Variants in PLBD2 observed in about 807,000 individuals in gnomAD.
The protein encoded by PLBD2 is phospholipase B domain containing 2, also known as putative aminopeptidase PLBD2.
PLBD2 carries 51 observed loss-of-function variants against 68.3 expected under a neutral mutation model. The ratio of observed to expected loss-of-function variants is 0.75; its 90% CI spans 0.60 to 0.94. The LOEUF (loss-of-function observed/expected upper bound fraction) is 0.94, where lower values mean the gene tolerates loss of function less well. Among genes scored for constraint, PLBD2 ranks in the 40% least tolerant of loss-of-function variants. The pLI is 0.00. For missense variants in PLBD2, 729 were observed against 792.2 expected (o/e 0.92, Z 0.96); for synonymous variants, 314 against 339.3 (o/e 0.93, Z 0.82).
chr12:113,387,962 C>A, intron 11 of PLBD2, 56 bp downstream of exon 11: 1 of 1,592,720 alleles, frequency 6.3e-7, no homozygotes. Flanking sequence ...CCATCACCAG[C>A]TTTGGGGAAG....
Position 113,363,611 on chromosome 12 carries a change from C to T in PLBD2, c.290+4721C>T, listed in dbSNP as rs370603237. ...TGGAGTCAGTGGCGCGATTTCGGGT[C>T]GCTGCAAGCTCCGCCTCCCGGGTTC... On this transcript the variant is annotated intron_variant, in intron 1 of 11. Transcript: ENST00000280800. 4.8e-5 allele frequency among the ~76,000 whole-genome samples: 7 copies of T among 145,484 alleles called. No homozygotes were observed. The South Asian group carries it at 1.5e-3, about 31-fold the overall frequency.
chr12:113,388,792 C>CA lies in PLBD2; in HGVS notation c.*167dup, dbSNP rs753611194. Reference sequence around the variant, plus strand: ...AGTGGGTCACGAACCTGATGGGGCTCAGAACTGACCCCCTCTCTCCCCCGA... The same window carrying CA: ...AGTGGGTCACGAACCTGATGGGGCTCAAGAACTGACCCCCTCTCTCCCCCGA... On this transcript the variant is annotated 3_prime_UTR_variant, in exon 12 of 12. Coordinates refer to ENST00000280800, the MANE Select transcript of PLBD2 (RefSeq NM_173542.4). The CA allele has an allele frequency of 6.4e-5, 43 of 668,060 alleles. No homozygotes were observed. Among genetic ancestry groups the CA allele is most frequent in the Non-Finnish European group, 9.7e-5 (42 of 431,700 alleles). 41.4% of individuals were successfully genotyped at this position (668,060 alleles called of 1,614,324 possible).
In PLBD2 at chr12:113,385,246, C is replaced by T; in HGVS notation, c.1249C>T (p.Leu417Phe). The change falls in exon 9 of 12, where the codon CTC becomes TTC. Residue 417 changes from leucine (L) to phenylalanine (F), a missense_variant. Physicochemically the swap from Leu to Phe is conservative, Grantham distance 22. Coordinates refer to ENST00000280800, the MANE Select transcript of PLBD2 (RefSeq NM_173542.4). ...GGTGGTGGCTGACAAGACCTCGGAG[C>T]TCTACCAGAAGACCTACTGGGCCAG... Reference protein sequence around the residue: ...MVVVADKTSELYQKTYWASYN... With the variant: ...MVVVADKTSEFYQKTYWASYN... The T allele has an allele frequency of 6.2e-7, 1 of 1,614,178 alleles. No homozygotes were observed. The highest frequency in any genetic ancestry group is 8.5e-7 in the Non-Finnish European group (1 of 1,180,014).
At chr12:113,362,212 G>A (rs1957302193) in intron 1 of PLBD2, among the ~76,000 whole-genome samples, 1 of 152,102 alleles carries the variant, frequency 6.6e-6, no homozygotes, top group African/African-American at 2.4e-5. Flanking sequence ...AGCTGGGTGT[G>A]GTTGCGCATG....
At chr12:113,380,238 G>T (rs183063876) in intron 5 of PLBD2, among the ~76,000 whole-genome samples, 20 of 152,094 alleles carry the variant, frequency 1.3e-4, no homozygotes, top group African/African-American at 4.6e-4. Flanking sequence ...CCGGGTTCAC[G>T]CCATTCTCCT....
intron 1 of PLBD2, among the ~76,000 whole-genome samples, chr12:113,362,191 A>G (rs946627030): frequency 1.3e-5 from 2 of 152,100 alleles, no homozygotes; most frequent in African/African-American, 4.8e-5. Context: ...GCAAAAAAAA[A>G]GTAAAAAATT....
chr12:113,361,238 C>A (rs1326715782), intron 1 of PLBD2, among the ~76,000 whole-genome samples: 1 of 151,614 alleles, frequency 6.6e-6, no homozygotes, highest in South Asian at 2.1e-4. Flanking sequence ...CTGGTGAAAT[C>A]CCCAGATTTT....
At chr12:113,388,420 C>A in intron 11 of PLBD2, 39 bp from the exon 12 acceptor site, 1 of 1,504,388 alleles carries the variant, frequency 6.6e-7, no homozygotes, top group Non-Finnish European at 8.8e-7. Flanking sequence ...TGGGGCAGGC[C>A]AGGACCCCTG....
At chr12:113,385,080 G>A (rs1957537291) in intron 8 of PLBD2, 132 bp from the exon 9 acceptor site, 2 of 1,300,476 alleles carry the variant, frequency 1.5e-6, no homozygotes, top group Non-Finnish European at 2.2e-6. Flanking sequence ...AGGTGTCCCT[G>A]GTGGGGGCTG....
chr12:113,384,842 G>T lies in PLBD2; in HGVS notation c.1119-9G>T, dbSNP rs1266982840. The T allele has an allele frequency of 6.2e-7, 1 of 1,613,274 alleles. No individual in the cohort carries two copies. The highest frequency in any genetic ancestry group is 8.5e-7 in the Non-Finnish European group (1 of 1,179,532). The stretch of plus-strand genomic sequence containing the variant: ...GCTCTGTTCAGTCCTCCCTTCCCCT[G>T]CCCGGCAGGTATAACAACCAGTGGA... On this transcript the variant is annotated splice_polypyrimidine_tract_variant and intron_variant, in intron 7 of 11. Transcript: ENST00000280800. This position sits in a 1 kb window ranked among gnomAD's most constrained non-coding sequence, Gnocchi z 4.2.
At chr12:113,375,553 A>G (rs190393196) in intron 5 of PLBD2, among the ~76,000 whole-genome samples, 6 of 152,234 alleles carry the variant, frequency 3.9e-5, no homozygotes, top group Admixed American at 2.6e-4. Context: ...AATAACCGCT[A>G]TTTATTTTTT....
intron 1 of PLBD2, among the ~76,000 whole-genome samples, chr12:113,362,629 T>C (rs1285286546): frequency 2.0e-5 from 3 of 151,696 alleles, no homozygotes; most frequent in African/African-American, 4.8e-5. Flanking sequence ...ACAGACCTAC[T>C]GCTGCCAACT....
intron 9 of PLBD2, 119 bp downstream of exon 9, chr12:113,385,402 C>A (rs1957541857): frequency 2.1e-6 from 2 of 951,578 alleles, no homozygotes; most frequent in Admixed American, 4.5e-5. Flanking sequence ...AGCCTACCCC[C>A]TTTTCTGGCC....
intron 3 of PLBD2, among the ~76,000 whole-genome samples, chr12:113,373,235 T>C (rs1217024147): frequency 1.3e-5 from 2 of 152,246 alleles, no homozygotes; most frequent in Non-Finnish European, 2.9e-5. Context: ...TTTCCTTGAG[T>C]GAGCTGCTGA....
chr12:113,370,898 G>A (rs143981524), intron 2 of PLBD2, among the ~76,000 whole-genome samples: 1 of 152,238 alleles, frequency 6.6e-6, no homozygotes, highest in Non-Finnish European at 1.5e-5. Flanking sequence ...TCCATTGATG[G>A]CCTAACCAGT....
At chr12:113,365,726 G>A (rs1054594919) in intron 1 of PLBD2, among the ~76,000 whole-genome samples, 10 of 152,122 alleles carry the variant, frequency 6.6e-5, no homozygotes, top group African/African-American at 1.7e-4. Context: ...GCCCCACCCT[G>A]CTGGCCCCAA....
chr12:113,374,950 C>G lies in PLBD2; in HGVS notation c.802C>G (p.Gln268Glu), dbSNP rs1326081792. 2 of 1,614,032 alleles carry G rather than the reference C, an allele frequency of 1.2e-6. No individual in the cohort carries two copies. Among genetic ancestry groups the G allele is most frequent in the Non-Finnish European group, 1.7e-6 (2 of 1,180,040 alleles). The change falls in exon 5 of 12, where the codon CAG (glutamine) becomes GAG (glutamate). Residue 268 changes from glutamine (Q) to glutamate (E), a missense_variant. Transcript: ENST00000280800. ...TGCCCACAACACCTGGAACAACTAC[C>G]AGCACATGCTGCGTGTCATCAAGAA... ...LVAHNTWNNY[Q>E]HMLRVIKKYW...
At position 113,390,128 on chromosome 12, in the gene PLBD2, A is replaced by T. The variant is rs1957595565; in HGVS notation, c.*1502A>T. ...TTTTTTGTATTGGTCTGTATACCACAGCATGGCTTACGAAGTTCTTATCTA... is the reference window on the plus strand; with the variant it reads ...TTTTTTGTATTGGTCTGTATACCACTGCATGGCTTACGAAGTTCTTATCTA... On this transcript the variant is annotated 3_prime_UTR_variant, in exon 12 of 12. Transcript: ENST00000280800. 1 of 151,936 alleles carries T rather than the reference A, an allele frequency of 6.6e-6. No homozygotes were observed. Among genetic ancestry groups the T allele is most frequent in the African/African-American group, 2.4e-5 (1 of 41,356 alleles). 9.4% of individuals were successfully genotyped at this position (151,936 alleles called of 1,614,324 possible). A position where few individuals can be genotyped will look rare whatever the true frequency, so the allele number is the denominator to read the frequency against.
Position 113,372,881 on chromosome 12 carries a change from C to A in PLBD2, c.543+74C>A. On this transcript the variant is annotated intron_variant, in intron 3 of 11. Transcript: ENST00000280800. The surrounding 1 kb of genome is among the most constrained non-coding windows in gnomAD (Gnocchi z 4.2). ...CCATCCTGTCTCCTGTTGTTCTGGC[C>A]AGCCTTGTGGCATGTCCAGCTGCCC... The A allele has an allele frequency of 6.4e-7, 1 of 1,550,702 alleles. No individual in the cohort carries two copies. The highest frequency in any genetic ancestry group is 8.7e-7 in the Non-Finnish European group (1 of 1,145,914).
Sources: allele counts gnomAD v4.1 joint callset (sites outside exome capture counted in the v4.1 genomes callset), GRCh38; gene constraint gnomAD v4.1.1; non-coding constraint Gnocchi (gnomAD v3.1); transcripts MANE v1.5; gene names NCBI Gene and HGNC (gene_info 2026-07-23, HGNC 2026-07-21).